Variants in EYS observed in about 807,000 individuals in gnomAD.
EYS encodes the protein protein eyes shut homolog.
A neutral mutation model predicts 282.1 loss-of-function variants in EYS; 250 were observed. The ratio of observed to expected loss-of-function variants is 0.89; its 90% confidence interval spans 0.80 to 0.98. The LOEUF (loss-of-function observed/expected upper bound fraction) is 0.98. EYS is among the 50% of genes least tolerant of loss of function. The probability of loss-of-function intolerance (pLI) is 0.00; values close to 1 mark genes in which losing one functional copy is unlikely to be tolerated. For missense variants in EYS, 4,016 were observed against 3,709.0 expected, an observed-to-expected ratio of 1.08 and a Z score of -2.15; for synonymous variants, 1,355 against 1,282.9, an observed-to-expected ratio of 1.06 and a Z score of -1.20.
chr6:65,089,569 G>A (rs987091299), intron 12 of EYS, among the ~76,000 whole-genome samples: 1 of 152,106 alleles, frequency 6.6e-6, no homozygotes, highest in African/African-American at 2.4e-5. Flanking sequence ...ACTTGCTTTT[G>A]ATATTACATG....
intron 30 of EYS, among the ~76,000 whole-genome samples, chr6:64,241,031 T>C (rs1261397352): frequency 6.6e-6 from 1 of 152,206 alleles, no homozygotes; most frequent in Non-Finnish European, 1.5e-5. Flanking sequence ...TCATTGTTTC[T>C]GTTTGTGTGA....
chr6:65,620,013 C>G (rs999421493), intron 2 of EYS, among the ~76,000 whole-genome samples: 5 of 151,986 alleles, frequency 3.3e-5, no homozygotes, highest in African/African-American at 1.2e-4. Context: ...GTCTAAAATT[C>G]TCTTTTTATG....
chr6:64,844,803 C>A (rs1020391562), intron 19 of EYS, among the ~76,000 whole-genome samples: 1 of 152,100 alleles, frequency 6.6e-6, no homozygotes, highest in Non-Finnish European at 1.5e-5. Context: ...AAATATATTT[C>A]CTTCTCTCAA....
intron 24 of EYS, among the ~76,000 whole-genome samples, chr6:64,602,966 TA>T (rs1016954524): frequency 1.3e-5 from 2 of 151,968 alleles, no homozygotes; most frequent in Admixed American, 1.3e-4. Flanking sequence ...AGCAAGTCAC[TA>T]GAGGAAAAAT....
intron 5 of EYS, chr6:65,489,617 C>T (rs746956997): frequency 6.6e-6 from 1 of 152,140 alleles, no homozygotes; most frequent in Non-Finnish European, 1.5e-5. Flanking sequence ...CCAGCAATCC[C>T]ATTGCTGGGC....
At chr6:63,764,808 A>G (rs1260266039) in intron 40 of EYS, among the ~76,000 whole-genome samples, 1 of 151,938 alleles carries the variant, frequency 6.6e-6, no homozygotes, top group Non-Finnish European at 1.5e-5. Context: ...TTAGGTCTGA[A>G]ACAATTAGCT....
At chr6:63,901,506 T>G (rs1229164892) in intron 35 of EYS, among the ~76,000 whole-genome samples, 1 of 152,198 alleles carries the variant, frequency 6.6e-6, no homozygotes, top group East Asian at 1.9e-4. Flanking sequence ...AATATAACTT[T>G]ACAAATCCAA....
At chr6:64,443,992 C>T (rs1775038437) in intron 26 of EYS, among the ~76,000 whole-genome samples, 1 of 152,144 alleles carries the variant, frequency 6.6e-6, no homozygotes, top group Non-Finnish European at 1.5e-5. Context: ...CCTATTATTA[C>T]AGTGTTTTAA....
At chr6:64,044,238 T>C (rs1380219548) in intron 33 of EYS, among the ~76,000 whole-genome samples, 2 of 152,236 alleles carry the variant, frequency 1.3e-5, no homozygotes, top group African/African-American at 4.8e-5. Context: ...AGGTCCTACA[T>C]TGAATGGAAA....
At chr6:63,894,468 A>T (rs1205806850) in intron 35 of EYS, among the ~76,000 whole-genome samples, 1 of 152,136 alleles carries the variant, frequency 6.6e-6, no homozygotes, top group East Asian at 1.9e-4. Context: ...GAGACGAGGA[A>T]GGATCCTACC....
chr6:65,422,796 C>A (rs1324926619), intron 5 of EYS, among the ~76,000 whole-genome samples: 1 of 146,824 alleles, frequency 6.8e-6, no homozygotes, highest in Admixed American at 7.1e-5. Context: ...AAGCCTCTCT[C>A]TATATAGAGA....
intron 35 of EYS, among the ~76,000 whole-genome samples, chr6:63,955,396 C>T (rs1340563162): frequency 6.6e-6 from 1 of 152,178 alleles, no homozygotes; most frequent in Non-Finnish European, 1.5e-5. Flanking sequence ...GATTAAAGAT[C>T]TTCAGTGGCA....
intron 37 of EYS, among the ~76,000 whole-genome samples, chr6:63,790,171 C>A (rs532207503): frequency 4.6e-5 from 7 of 152,254 alleles, no homozygotes; most frequent in African/African-American, 1.7e-4. Context: ...GAGTCCTTGA[C>A]ATAGAAAAAA....
At chr6:64,084,346 C>G (rs565451469) in intron 31 of EYS, among the ~76,000 whole-genome samples, 1 of 152,202 alleles carries the variant, frequency 6.6e-6, no homozygotes, top group Admixed American at 6.5e-5. Flanking sequence ...GTTAAGTAGG[C>G]AAGGATGACT....
intron 13 of EYS, among the ~76,000 whole-genome samples, chr6:65,037,522 T>A (rs951327616): frequency 1.3e-5 from 2 of 151,746 alleles, no homozygotes; most frequent in Admixed American, 6.6e-5. Flanking sequence ...AAAAAGTAAA[T>A]GTATTTTCTC....
chr6:63,774,540 A>G (rs752538043), intron 40 of EYS, among the ~76,000 whole-genome samples: 1 of 152,160 alleles, frequency 6.6e-6, no homozygotes, highest in Non-Finnish European at 1.5e-5. Flanking sequence ...CAACATGGTG[A>G]CTATGGTTAG....
intron 26 of EYS, among the ~76,000 whole-genome samples, chr6:64,532,644 G>C (rs113897720): frequency 0.16 from 23,742 of 152,096 alleles, 4,220 homozygotes; most frequent in African/African-American, 0.44. Context: ...GGGAGGTGGA[G>C]TTTGCAGTGA....
chr6:64,074,756 A>G (rs1024554752), intron 32 of EYS, among the ~76,000 whole-genome samples: 7 of 151,958 alleles, frequency 4.6e-5, no homozygotes, highest in Non-Finnish European at 1.0e-4. Context: ...AGTTACCTGG[A>G]TTTCTATCAT....
At chr6:64,760,337 TC>T (rs1773116629) in intron 22 of EYS, among the ~76,000 whole-genome samples, 1 of 152,092 alleles carries the variant, frequency 6.6e-6, no homozygotes, top group Admixed American at 6.5e-5. Context: ...ACTAATATGT[TC>T]CCGGTTTTAG....
Sources: allele counts gnomAD v4.1 joint callset (sites outside exome capture counted in the v4.1 genomes callset), GRCh38; gene constraint gnomAD v4.1.1; transcripts MANE v1.5; gene names NCBI Gene and HGNC (gene_info 2026-07-23, HGNC 2026-07-21).